The following BTNL8 variants were observed in gnomAD, a reference collection of about 807,000 sequenced individuals.
BTNL8 encodes the protein butyrophilin like 8.
A neutral mutation model predicts 36.1 loss-of-function variants in BTNL8; 22 were observed. The observed-to-expected ratio is 0.61, with a 90% confidence interval of 0.44 to 0.87. The LOEUF (loss-of-function observed/expected upper bound fraction) is 0.87, where lower values mean the gene tolerates loss of function less well. Among genes scored for constraint, BTNL8 ranks in the 40% least tolerant of loss-of-function variants. BTNL8 has a pLI of 0.00. For missense variants in BTNL8, 526 were observed against 616.9 expected (o/e 0.85, Z 1.56); for synonymous variants, 203 against 235.6 (o/e 0.86, Z 1.27).
chr5:180,920,104 C>T (rs1290562257), intron 3 of BTNL8, among the ~76,000 whole-genome samples: 1 of 152,182 alleles, frequency 6.6e-6, no homozygotes, highest in East Asian at 1.9e-4. Flanking sequence ...AAGCATCATA[C>T]TACCTGATTT....
At chr5:180,947,915 T>G in intron 4 of BTNL8, 1 of 1,061,338 alleles carries the variant, frequency 9.4e-7, no homozygotes, top group Non-Finnish European at 1.4e-6. Context: ...CCACCAAGAC[T>G]CCTATTAAAA....
chr5:180,919,872 G>A (rs963760092), intron 3 of BTNL8, among the ~76,000 whole-genome samples: 4 of 152,146 alleles, frequency 2.6e-5, no homozygotes, highest in Non-Finnish European at 4.4e-5. Flanking sequence ...AGACACTGGT[G>A]AAAGAAATGG....
intron 3 of BTNL8, among the ~76,000 whole-genome samples, chr5:180,931,809 C>T (rs976232797): frequency 6.6e-6 from 1 of 152,138 alleles, no homozygotes; most frequent in Non-Finnish European, 1.5e-5. Flanking sequence ...CAGGAAACAA[C>T]CCATGCTGGA....
intron 3 of BTNL8, among the ~76,000 whole-genome samples, chr5:180,930,438 T>C (rs1189797887): frequency 6.6e-6 from 1 of 152,132 alleles, no homozygotes; most frequent in African/African-American, 2.4e-5. Context: ...CTATTCAACA[T>C]AGTATTGGAA....
intron 3 of BTNL8, among the ~76,000 whole-genome samples, chr5:180,936,855 T>C (rs945858801): frequency 1.3e-5 from 2 of 152,172 alleles, no homozygotes. Context: ...GCCGAAACTT[T>C]CAACTGTCAG....
chr5:180,908,081 T>C (rs1757184002), intron 1 of BTNL8, among the ~76,000 whole-genome samples: 3 of 152,246 alleles, frequency 2.0e-5, no homozygotes, highest in Admixed American at 6.5e-5. Flanking sequence ...TAATCAAGCC[T>C]GGGCAATGGC....
intron 2 of BTNL8, among the ~76,000 whole-genome samples, chr5:180,909,334 C>A (rs976483974): frequency 3.9e-5 from 6 of 152,208 alleles, no homozygotes; most frequent in Non-Finnish European, 8.8e-5. Flanking sequence ...TGCGATCTAT[C>A]CAAATTATTG....
chr5:180,911,613 A>G lies in BTNL8; in HGVS notation c.672A>G (p.Gly224=). The G allele has an allele frequency of 6.2e-7, 1 of 1,603,854 alleles. No individual in the cohort carries two copies. Among genetic ancestry groups the G allele is most frequent in the Non-Finnish European group, 8.5e-7 (1 of 1,171,726 alleles). The change falls in exon 3 of 8, where the codon GGA becomes GGG. Residue 224 remains glycine (G), a splice_region_variant and synonymous_variant. Transcript: ENST00000340184. ...AGGTGGAATCCAGGGTACAGATAGGAGGTGAGTAGGGAGGGGAGGAGAAGA... is the reference window on the plus strand; with the variant it reads ...AGGTGGAATCCAGGGTACAGATAGGGGGTGAGTAGGGAGGGGAGGAGAAGA... ...SREVESRVQI[G]DTFFEPISWH...
chr5:180,915,708 T>C (rs1228860890), intron 3 of BTNL8, among the ~76,000 whole-genome samples: 1 of 152,206 alleles, frequency 6.6e-6, no homozygotes, highest in African/African-American at 2.4e-5. Flanking sequence ...TTAAGTGAGC[T>C]TTATCCTTGG....
At chr5:180,934,527 T>C (rs1319523048) in intron 3 of BTNL8, among the ~76,000 whole-genome samples, 1 of 152,174 alleles carries the variant, frequency 6.6e-6, no homozygotes, top group Non-Finnish European at 1.5e-5. Flanking sequence ...GAGCACAAAA[T>C]CTGGCCACTG....
At chr5:180,939,508 C>A (rs1281785538) in intron 3 of BTNL8, among the ~76,000 whole-genome samples, 1 of 152,014 alleles carries the variant, frequency 6.6e-6, no homozygotes, top group African/African-American at 2.4e-5. Context: ...GAGGATATAG[C>A]AATTGTAAAT....
intron 5 of BTNL8, 80 bp downstream of exon 5, chr5:180,948,455 C>A: frequency 6.2e-7 from 1 of 1,603,732 alleles, no homozygotes; most frequent in Non-Finnish European, 8.5e-7. Flanking sequence ...AGCCTCTGGA[C>A]GACCCTGGCT....
intron 1 of BTNL8, among the ~76,000 whole-genome samples, chr5:180,907,141 C>A (rs939334811): frequency 8.4e-6 from 1 of 119,272 alleles, no homozygotes. Flanking sequence ...TCCATTCTCC[C>A]CATCACTTTC....
intron 1 of BTNL8, among the ~76,000 whole-genome samples, chr5:180,900,464 C>A (rs536760833): frequency 2.0e-5 from 3 of 152,244 alleles, no homozygotes; most frequent in Non-Finnish European, 4.4e-5. Context: ...TTGTTCCTTT[C>A]TTATTTTCAA....
At chr5:180,917,817 A>G (rs560624578) in intron 3 of BTNL8, among the ~76,000 whole-genome samples, 1 of 151,972 alleles carries the variant, frequency 6.6e-6, no homozygotes, top group East Asian at 1.9e-4. Context: ...TCACGAGGTC[A>G]GGAGATCGAG....
At chr5:180,928,495 C>A (rs181869015) in intron 3 of BTNL8, among the ~76,000 whole-genome samples, 2 of 152,224 alleles carry the variant, frequency 1.3e-5, no homozygotes, top group African/African-American at 2.4e-5. Flanking sequence ...AGGCTAAATG[C>A]CCCAGTTAAA....
chr5:180,911,202 G>C (rs767589330), intron 2 of BTNL8, 137 bp from the exon 3 acceptor site: 2 of 1,363,900 alleles, frequency 1.5e-6, no homozygotes, highest in Non-Finnish European at 2.0e-6. Context: ...GAAGGCTTTT[G>C]CCAAAGGTCG....
At chr5:180,916,329 C>A (rs191108075) in intron 3 of BTNL8, among the ~76,000 whole-genome samples, 249 of 151,926 alleles carry the variant, frequency 1.6e-3, no homozygotes, top group African/African-American at 5.7e-3. Context: ...TGGAATGTAG[C>A]AAAACCAGTT....
At chr5:180,921,069 A>T (rs1757841751) in intron 3 of BTNL8, among the ~76,000 whole-genome samples, 1 of 152,128 alleles carries the variant, frequency 6.6e-6, no homozygotes, top group Admixed American at 6.5e-5. Context: ...AACCCTAAAG[A>T]TTCCACAAAA....
Sources: allele counts gnomAD v4.1 joint callset (sites outside exome capture counted in the v4.1 genomes callset), GRCh38; gene constraint gnomAD v4.1.1; transcripts MANE v1.5; gene names NCBI Gene and HGNC (gene_info 2026-07-23, HGNC 2026-07-21).